The following EXD3 variants were observed in gnomAD, a reference collection of about 807,000 sequenced individuals.
The protein encoded by EXD3 is exonuclease 3'-5' domain containing 3.
EXD3 carries 92 observed loss-of-function variants against 98.0 expected under a neutral mutation model. The observed-to-expected ratio is 0.94, with a 90% CI of 0.79 to 1.12. The LOEUF is 1.12. Ranked by LOEUF, EXD3 falls within the 50% of genes most tolerant of loss-of-function variation. EXD3 has a pLI of 0.00. For missense variants in EXD3, 1,222 were observed against 1,191.6 expected, an observed-to-expected ratio of 1.03 and a Z score of -0.38; for synonymous variants, 569 against 526.0, an observed-to-expected ratio of 1.08 and a Z score of -1.12.
rs751611486 is a variant in EXD3, at chr9:137,395,970, C to CTT, written c.-47-568_-47-567dup. On this transcript the variant is annotated intron_variant, in intron 1 of 21. Coordinates refer to ENST00000340951, the MANE Select transcript of EXD3 (RefSeq NM_017820.5). This position sits in a 1 kb window ranked among gnomAD's most constrained non-coding sequence, Gnocchi z 6.5. ...TTTTTTTTCTTTTCTTTCTTTCTTT[C>CTT]TTTTTTTTTTTTTTGGAGACAGAGT... Among the ~76,000 whole-genome samples the CTT allele has an allele frequency of 1.1e-4, 16 of 140,750 alleles. No individual in the cohort carries two copies. Among genetic ancestry groups the CTT allele is most frequent in the South Asian group, 2.3e-4 (1 of 4,346 alleles). The allele number at this position is 140,750 out of a possible 152,430, so 92.3% of individuals were successfully genotyped here. A position where few individuals can be genotyped will look rare whatever the true frequency, so the allele number is the denominator to read the frequency against.
chr9:137,378,410 A>G (rs1278187028), intron 3 of EXD3, among the ~76,000 whole-genome samples: 4 of 151,878 alleles, frequency 2.6e-5, no homozygotes, highest in Non-Finnish European at 5.9e-5. Context: ...GGGTTTCGCC[A>G]TTGTTGGCCA....
Position 137,355,526 on chromosome 9 carries a change from ATGG to A in EXD3, c.757+739_757+741del, listed in dbSNP as rs1564508432. On this transcript the variant is annotated intron_variant, in intron 8 of 21. Coordinates refer to ENST00000340951, the MANE Select transcript of EXD3 (RefSeq NM_017820.5). Reference sequence around the variant, plus strand: ...GAGGAAGGAGGAAGGAGGAAGGAGGATGGAGGAAGGAGGAAGGAGGAAGGAGGA... The same window carrying A: ...GAGGAAGGAGGAAGGAGGAAGGAGGAAGGAAGGAGGAAGGAGGAAGGAGGA... Among the ~76,000 whole-genome samples, 59 of 61,800 alleles carry A rather than the reference ATGG, an allele frequency of 9.5e-4. 1 individual carries two copies. Among genetic ancestry groups the A allele is most frequent in the Non-Finnish European group, 1.3e-3 (44 of 34,638 alleles). The allele number at this position is 61,800 out of a possible 152,430, so 40.5% of individuals were successfully genotyped here.
rs1010907661 is a variant in EXD3, at chr9:137,405,263, C to T, written c.-47-9859G>A. Among the ~76,000 whole-genome samples, 1 of 152,214 alleles carries T rather than the reference C, an allele frequency of 6.6e-6. No individual in the cohort carries two copies. The highest frequency in any genetic ancestry group is 1.9e-4 in the East Asian group (1 of 5,194). On this transcript the variant is annotated intron_variant, in intron 1 of 21. Coordinates refer to ENST00000340951, the MANE Select transcript of EXD3 (RefSeq NM_017820.5). The surrounding 1 kb of genome is among the most constrained non-coding windows in gnomAD (Gnocchi z 4.1). ...GACCCACAGAGGGCTGGGCCAGCAC[C>T]CCCGGGGGAAGGCGGTGGGCACCCA...
intron 1 of EXD3, among the ~76,000 whole-genome samples, chr9:137,414,586 G>T: frequency 6.6e-6 from 1 of 152,176 alleles, no homozygotes; most frequent in Non-Finnish European, 1.5e-5. Context: ...ACACACGAGG[G>T]TTCTGATTTC....
chr9:137,320,374 C>T (rs1404686709), intron 19 of EXD3, among the ~76,000 whole-genome samples: 26 of 152,342 alleles, frequency 1.7e-4, no homozygotes, highest in Non-Finnish European at 4.4e-5. Context: ...CTGCCTTGGT[C>T]CTGGACAGCT....
At chr9:137,420,772 A>G (rs956057429) in intron 1 of EXD3, among the ~76,000 whole-genome samples, 1 of 137,444 alleles carries the variant, frequency 7.3e-6, no homozygotes, top group African/African-American at 2.6e-5. Flanking sequence ...TATTATACAT[A>G]CACTGTGATG....
chr9:137,394,014 T>C (rs1837078040), intron 2 of EXD3, among the ~76,000 whole-genome samples: 1 of 152,128 alleles, frequency 6.6e-6, no homozygotes, highest in Non-Finnish European at 1.5e-5. Context: ...GCCGAGCCCC[T>C]GCCAGGAGGC....
In EXD3 at chr9:137,385,551, A is replaced by G. The variant is rs1351941781; in HGVS notation, c.56-2174T>C. 6.6e-6 allele frequency among the ~76,000 whole-genome samples: 1 copy of G among 152,150 alleles called. No individual in the cohort carries two copies. Among genetic ancestry groups the G allele is most frequent in the Non-Finnish European group, 1.5e-5 (1 of 68,032 alleles). On this transcript the variant is annotated intron_variant, in intron 2 of 21. Transcript: ENST00000340951. The surrounding 1 kb of genome is among the most constrained non-coding windows in gnomAD (Gnocchi z 4.4). ...ATTTTGTTATTTAAGTTAATATTTT[A>G]TTTAGAGACGGAGTCTCACTGTCAC... is the stretch of plus-strand genomic sequence containing the variant.
intron 17 of EXD3, among the ~76,000 whole-genome samples, chr9:137,327,379 C>T (rs370482035): frequency 1.3e-4 from 20 of 152,182 alleles, no homozygotes; most frequent in Middle Eastern, 3.4e-3. Flanking sequence ...GTGATCCGCC[C>T]GCGTCGGCCT....
Position 137,395,242 on chromosome 9 carries a change from A to G in EXD3, c.55+61T>C. 5.3e-6 allele frequency: 6 copies of G among 1,140,482 alleles called. No homozygotes were observed. Among genetic ancestry groups the G allele is most frequent in the African/African-American group, 1.6e-5 (1 of 60,986 alleles). The allele number at this position is 1,140,482 out of a possible 1,614,324, so 70.6% of individuals were successfully genotyped here. Reference sequence around the variant, plus strand: ...CAGTGGGCGCCACCACCCCCCATGCACACCCACGCACCTCCCCCCACAGCC... The same window carrying G: ...CAGTGGGCGCCACCACCCCCCATGCGCACCCACGCACCTCCCCCCACAGCC... On this transcript the variant is annotated intron_variant, in intron 2 of 21. Transcript: ENST00000340951. The surrounding 1 kb of genome is among the most constrained non-coding windows in gnomAD (Gnocchi z 6.5).
In EXD3 at chr9:137,404,677, A is replaced by G. The variant is rs1393775841; in HGVS notation, c.-47-9273T>C. ...GGAGTTCGAGACCAGCCTGACCAAC[A>G]TGGAGAAACCCCATTTCTACTAAAA... On this transcript the variant is annotated intron_variant, in intron 1 of 21. Transcript: ENST00000340951. Among the ~76,000 whole-genome samples the G allele has an allele frequency of 3.9e-5, 6 of 152,276 alleles. No homozygotes were observed. The East Asian group carries it at 9.6e-4, about 24-fold the overall frequency.
In EXD3 at chr9:137,306,981, G is replaced by A. The variant is rs118011827; in HGVS notation, c.2600C>T (p.Pro867Leu). 4.8e-3 allele frequency: 7,701 copies of A among 1,600,090 alleles called. 54 individuals carry two copies. The highest frequency in any genetic ancestry group is 0.018 in the South Asian group (1,588 of 89,520). Residue 867 changes from proline (P) to leucine (L), a missense_variant, in exon 22 of 22, where the codon CCA becomes CTA. Pro to Leu is a moderately conservative substitution (Grantham distance 98). Transcript: ENST00000340951. ...GGGACTGCTGGCCGGGCTGGGGGCT[G>A]GGCTCGGCTCGCAGGGGCTGGGGGC... ...ESAPSPCEPS[P>L]APSPASSPF is the part of the protein sequence containing the mutation.
At chr9:137,396,466 C>T (rs1837222196) in intron 1 of EXD3, among the ~76,000 whole-genome samples, 1 of 152,158 alleles carries the variant, frequency 6.6e-6, no homozygotes, top group Non-Finnish European at 1.5e-5. Context: ...AGCTGTGCCG[C>T]CCTCCCCCAG....
rs1378397133 is a variant in EXD3 at position 137,407,119 on chromosome 9, G to A, written c.-47-11715C>T. Among the ~76,000 whole-genome samples the A allele has an allele frequency of 6.6e-6, 1 of 152,092 alleles. No individual in the cohort carries two copies. The highest frequency in any genetic ancestry group is 1.5e-5 in the Non-Finnish European group (1 of 68,008). ...GCGGCCTGCGGAGCAGCCAGTCCCGGGCACCCCACGCCGACCGCCGCGCGT... is the reference window on the plus strand; with the variant it reads ...GCGGCCTGCGGAGCAGCCAGTCCCGAGCACCCCACGCCGACCGCCGCGCGT... On this transcript the variant is annotated intron_variant, in intron 1 of 21. Transcript: ENST00000340951. This position sits in a 1 kb window ranked among gnomAD's most constrained non-coding sequence, Gnocchi z 4.4.
chr9:137,397,824 T>G (rs148108146), intron 1 of EXD3, among the ~76,000 whole-genome samples: 1 of 152,118 alleles, frequency 6.6e-6, no homozygotes, highest in Admixed American at 6.5e-5. Context: ...ACGCCTTTGG[T>G]TCCAGCTACT....
chr9:137,357,357 C>T, intron 7 of EXD3: 1 of 152,184 alleles, frequency 6.6e-6, no homozygotes, highest in East Asian at 1.9e-4. Flanking sequence ...TCCCTTCTTC[C>T]TGGAATCCCA....
intron 1 of EXD3, among the ~76,000 whole-genome samples, chr9:137,411,732 GGGGAGGGGGTGGGGGAGT>G (rs1479864740): frequency 7.1e-6 from 1 of 140,628 alleles, no homozygotes; most frequent in Non-Finnish European, 1.6e-5. Context: ...GGTGGGGGAG[GGGGAGGGGGTGGGGGAGT>G]GGGAGGGAGT....
At position 137,373,733 on chromosome 9, in the gene EXD3, C is replaced by T. The variant is rs544628303; in HGVS notation, c.121-134G>A. The T allele has an allele frequency of 9.9e-5, 97 of 981,882 alleles. No homozygotes were observed. In the East Asian group the frequency reaches 1.4e-3, roughly 14 times the overall value. The allele number at this position is 981,882 out of a possible 1,614,324, so 60.8% of individuals were successfully genotyped here. A position where few individuals can be genotyped will look rare whatever the true frequency, so the allele number is the denominator to read the frequency against. ...GCTGTGGCCATTCAGCCGCCATCTGCGCCTCCGTGACTTTTCATGCCGCCG... is the reference window on the plus strand; with the variant it reads ...GCTGTGGCCATTCAGCCGCCATCTGTGCCTCCGTGACTTTTCATGCCGCCG... On this transcript the variant is annotated intron_variant, in intron 3 of 21. Transcript: ENST00000340951.
chr9:137,362,095 G>A (rs1835022123), intron 7 of EXD3, among the ~76,000 whole-genome samples: 1 of 152,136 alleles, frequency 6.6e-6, no homozygotes, highest in South Asian at 2.1e-4. Context: ...AGAGGTTAGA[G>A]GTAATACCAA....
Sources: gnomAD v4.1 joint callset for allele counts (sites outside exome capture counted in the v4.1 genomes callset) on GRCh38, gnomAD v4.1.1 for gene constraint, Gnocchi (gnomAD v3.1) non-coding constraint, MANE v1.5 for transcripts, NCBI Gene and HGNC (gene_info 2026-07-23, HGNC 2026-07-21) for gene names.